Variants in CTNNA3 observed in about 807,000 individuals in gnomAD.
CTNNA3 encodes catenin alpha 3.
CTNNA3 carries 76 observed loss-of-function variants against 95.7 expected under a neutral mutation model. The observed-to-expected ratio is 0.79, with a 90% CI of 0.66 to 0.96. The LOEUF (loss-of-function observed/expected upper bound fraction) is 0.96. CTNNA3 is among the 40% of genes least tolerant of loss of function. CTNNA3 has a pLI of 0.00. For missense variants in CTNNA3, 1,191 were observed against 1,089.8 expected, an observed-to-expected ratio of 1.09 and a Z score of -1.31; for synonymous variants, 431 against 374.4, an observed-to-expected ratio of 1.15 and a Z score of -1.74.
At chr10:67,303,673 AC>A (rs1840420070) in intron 5 of CTNNA3, among the ~76,000 whole-genome samples, 1 of 152,250 alleles carries the variant, frequency 6.6e-6, no homozygotes, top group Admixed American at 6.5e-5. Flanking sequence ...ATGGTTAGTG[AC>A]CAACCCCTTT....
chr10:66,041,305 G>C (rs911509093), intron 15 of CTNNA3, among the ~76,000 whole-genome samples: 1 of 152,194 alleles, frequency 6.6e-6, no homozygotes, highest in Admixed American at 6.5e-5. Context: ...AAGGAGATAT[G>C]GCAGCTAAAT....
intron 11 of CTNNA3, among the ~76,000 whole-genome samples, chr10:66,425,411 T>C (rs2093230997): frequency 7.8e-6 from 1 of 127,640 alleles, no homozygotes; most frequent in Non-Finnish European, 1.6e-5. Context: ...GGGAGGATCT[T>C]ATTTCTTGCT....
chr10:67,453,790 G>T (rs75117290), intron 5 of CTNNA3, among the ~76,000 whole-genome samples: 1 of 152,174 alleles, frequency 6.6e-6, no homozygotes, highest in African/African-American at 2.4e-5. Flanking sequence ...ATTGTAAACC[G>T]TATTATGTAG....
At chr10:66,778,863 C>T (rs1840416213) in intron 7 of CTNNA3, among the ~76,000 whole-genome samples, 1 of 152,072 alleles carries the variant, frequency 6.6e-6, no homozygotes, top group Admixed American at 6.6e-5. Context: ...GTAATCCCAA[C>T]TACTTGCGAG....
intron 13 of CTNNA3, among the ~76,000 whole-genome samples, chr10:66,256,812 A>G (rs1192377998): frequency 1.3e-5 from 2 of 152,282 alleles, no homozygotes; most frequent in East Asian, 1.9e-4. Context: ...TCATTAACTA[A>G]TAAACCCAGG....
At chr10:67,564,241 C>T (rs1048656235) in intron 3 of CTNNA3, among the ~76,000 whole-genome samples, 1 of 149,478 alleles carries the variant, frequency 6.7e-6, no homozygotes, top group East Asian at 1.9e-4. Context: ...TTGAAACCAA[C>T]CCAAATGTCC....
intron 10 of CTNNA3, among the ~76,000 whole-genome samples, chr10:66,559,641 C>A: frequency 6.6e-6 from 1 of 152,006 alleles, no homozygotes; most frequent in Non-Finnish European, 1.5e-5. Context: ...ATGCACCCCC[C>A]GCTCGGGTAT....
intron 9 of CTNNA3, among the ~76,000 whole-genome samples, chr10:66,663,610 C>T (rs1269115880): frequency 6.6e-6 from 1 of 152,074 alleles, no homozygotes; most frequent in Non-Finnish European, 1.5e-5. Context: ...CTGCCTTTCT[C>T]TCCCACTCTA....
intron 7 of CTNNA3, among the ~76,000 whole-genome samples, chr10:66,864,710 C>T (rs1589351611): frequency 6.6e-6 from 1 of 152,024 alleles, no homozygotes; most frequent in Non-Finnish European, 1.5e-5. Flanking sequence ...TGCAACATTG[C>T]AAACACTGCA....
chr10:66,175,128 G>A (rs1405864058), intron 13 of CTNNA3, among the ~76,000 whole-genome samples: 3 of 151,894 alleles, frequency 2.0e-5, no homozygotes, highest in African/African-American at 7.3e-5. Context: ...CCCCAACAAT[G>A]ACCCTATGTG....
intron 7 of CTNNA3, among the ~76,000 whole-genome samples, chr10:66,913,206 T>C: frequency 8.9e-6 from 1 of 112,928 alleles, no homozygotes; most frequent in South Asian, 3.1e-4. Flanking sequence ...GCCACTGCAG[T>C]CCGGCCTGGG....
rs530681256 is a variant in CTNNA3 at position 66,095,392 on chromosome 10, GCTGCTGATTA to G, written c.1977+7755_1977+7764del. Among the ~76,000 whole-genome samples, 984 of 152,154 alleles carry G rather than the reference GCTGCTGATTA, an allele frequency of 6.5e-3. 6 individuals are homozygous for G. The highest frequency in any genetic ancestry group is 0.022 in the African/African-American group (924 of 41,526). On this transcript the variant is annotated intron_variant, in intron 14 of 17. Transcript: ENST00000433211. ...GAGAAAATGTATTGCCTGCTGTGTT[GCTGCTGATTA>G]ATGAAATTTTATCTATATTGATTAA...
At chr10:67,462,174 A>G (rs1847403502) in intron 5 of CTNNA3, among the ~76,000 whole-genome samples, 6 of 152,124 alleles carry the variant, frequency 3.9e-5, no homozygotes, top group Admixed American at 3.9e-4. Context: ...ATAAGCACCT[A>G]ATTCTCTCTG....
Position 65,988,786 on chromosome 10 carries a change from G to A in CTNNA3, c.2171C>T (p.Pro724Leu). The change falls in exon 16 of 18, where the codon CCA (proline) becomes CTA (leucine). Residue 724 changes from proline (P) to leucine (L), a missense_variant. Pro to Leu is a moderately conservative substitution (Grantham distance 98). Coordinates refer to ENST00000433211, the MANE Select transcript of CTNNA3 (RefSeq NM_013266.4). The part of the protein sequence containing the change: ...EMTDFTRGKG[P>L]LKHTTDVIYA... The stretch of plus-strand genomic sequence containing the variant: ...GATCACATCAGTTGTATGCTTTAGT[G>A]GTCCTTTGCCCCTGGAAAAAAATTT... The A allele has an allele frequency of 6.2e-7, 1 of 1,612,590 alleles. No individual in the cohort carries two copies. Among genetic ancestry groups the A allele is most frequent in the Non-Finnish European group, 8.5e-7 (1 of 1,179,104 alleles).
chr10:66,896,090 T>A (rs752936591), intron 7 of CTNNA3, among the ~76,000 whole-genome samples: 52 of 151,902 alleles, frequency 3.4e-4, no homozygotes, highest in Non-Finnish European at 5.7e-4. Context: ...AGAGTTAAAC[T>A]TCATCTCAAA....
intron 11 of CTNNA3, among the ~76,000 whole-genome samples, chr10:66,381,287 C>T (rs1437237852): frequency 6.6e-6 from 1 of 152,136 alleles, no homozygotes; most frequent in Non-Finnish European, 1.5e-5. Flanking sequence ...AGCCACTAGG[C>T]AAATGTTCCT....
chr10:67,016,022 T>C (rs1039799636), intron 7 of CTNNA3, among the ~76,000 whole-genome samples: 1 of 134,220 alleles, frequency 7.5e-6, no homozygotes, highest in African/African-American at 2.5e-5. Flanking sequence ...CTTTTATTGC[T>C]GTATACTCTC....
chr10:67,758,129 ACAT>A, intron 1 of CTNNA3, among the ~76,000 whole-genome samples: 1 of 152,096 alleles, frequency 6.6e-6, no homozygotes, highest in Non-Finnish European at 1.5e-5. Context: ...CTGCCCCCAG[ACAT>A]CAGCATTCTT....
At chr10:67,738,494 C>G (rs1442681730) in intron 1 of CTNNA3, among the ~76,000 whole-genome samples, 6 of 152,102 alleles carry the variant, frequency 3.9e-5, no homozygotes, top group Admixed American at 6.5e-5. Context: ...GGGGAAAAAA[C>G]AGAGCAGAAA....
Sources: gnomAD v4.1 joint callset for allele counts (sites outside exome capture counted in the v4.1 genomes callset) on GRCh38, gnomAD v4.1.1 for gene constraint, MANE v1.5 for transcripts, NCBI Gene and HGNC (gene_info 2026-07-23, HGNC 2026-07-21) for gene names.